The following SPEF2 variants were observed in gnomAD, a reference collection of about 807,000 sequenced individuals.
The protein encoded by SPEF2 is sperm flagella and cilia-associated protein 2.
A neutral mutation model predicts 224.6 loss-of-function variants in SPEF2; 187 were observed. The ratio of observed to expected loss-of-function variants is 0.83; its 90% CI spans 0.74 to 0.94. The LOEUF is 0.94. SPEF2 is among the 40% of genes least tolerant of loss of function. SPEF2 has a pLI of 0.00. For missense variants in SPEF2, 2,170 were observed against 2,135.6 expected, an observed-to-expected ratio of 1.02 and a Z score of -0.32; for synonymous variants, 715 against 707.3, an observed-to-expected ratio of 1.01 and a Z score of -0.17.
At chr5:35,761,223 C>G (rs889335557) in intron 25 of SPEF2, among the ~76,000 whole-genome samples, 2 of 152,122 alleles carry the variant, frequency 1.3e-5, no homozygotes, top group African/African-American at 4.8e-5. Flanking sequence ...TTCTGTTACT[C>G]AATCATTGTA....
Position 35,800,003 on chromosome 5 carries a change from TC to T in SPEF2, c.4868del (p.Pro1623HisfsTer74), listed in dbSNP as rs1248271931. 1 of 1,614,080 alleles carries T rather than the reference TC, an allele frequency of 6.2e-7. No homozygotes were observed. Among genetic ancestry groups the T allele is most frequent in the Admixed American group, 1.7e-5 (1 of 60,014 alleles). On this transcript the variant is annotated frameshift_variant, in exon 34 of 37. Transcript: ENST00000356031. LOFTEE classifies it high-confidence loss of function. The stretch of plus-strand genomic sequence containing the variant: ...GGCTATTTGCTGACTATGAGAAGGA[TC>T]CACCCCAGCTTGACTACACACAGAT... ...FRLFADYEKD[P>X]PQLDYTQMLL...
At chr5:35,623,165 A>G (rs1743762746) in intron 1 of SPEF2, among the ~76,000 whole-genome samples, 1 of 152,200 alleles carries the variant, frequency 6.6e-6, no homozygotes, top group Admixed American at 6.5e-5. Context: ...GGAGGGTTCC[A>G]GGAAGTGGTG....
At chr5:35,643,818 T>G (rs2035992) in intron 3 of SPEF2, among the ~76,000 whole-genome samples, 92,048 of 151,926 alleles carry the variant, frequency 0.61, 28,592 homozygotes, top group East Asian at 0.74. Flanking sequence ...TAAAATATAG[T>G]TACTTTCATT....
rs755903542 is a variant in SPEF2, at chr5:35,751,056, C to CATATGTATATATAT, written c.3331-2568_3331-2567insATATGTATATATAT. Among the ~76,000 whole-genome samples, 10 of 28,600 alleles carry CATATGTATATATAT rather than the reference C, an allele frequency of 3.5e-4. 2 individuals are homozygous for CATATGTATATATAT. Among genetic ancestry groups the CATATGTATATATAT allele is most frequent in the Non-Finnish European group, 8.2e-4 (10 of 12,234 alleles). 18.8% of individuals were successfully genotyped at this position (28,600 alleles called of 152,430 possible). A position where few individuals can be genotyped will look rare whatever the true frequency, so the allele number is the denominator to read the frequency against. ...ATATACACATATGTATATATATATA[C>CATATGTATATATAT]GTATATATATGTATATATATATACA... On this transcript the variant is annotated intron_variant, in intron 23 of 36. Coordinates refer to ENST00000356031, the MANE Select transcript of SPEF2 (RefSeq NM_024867.4).
intron 16 of SPEF2, among the ~76,000 whole-genome samples, chr5:35,701,727 A>G (rs190400883): frequency 6.6e-6 from 1 of 152,242 alleles, no homozygotes; most frequent in Non-Finnish European, 1.5e-5. Context: ...AGCTGAGACA[A>G]TTTCCACACT....
At chr5:35,738,814 G>A (rs975017094) in intron 21 of SPEF2, among the ~76,000 whole-genome samples, 4 of 151,934 alleles carry the variant, frequency 2.6e-5, no homozygotes, top group East Asian at 3.9e-4. Flanking sequence ...TTGGTCTACT[G>A]CTGCAGGCTT....
intron 19 of SPEF2, 74 bp from the exon 20 acceptor site, chr5:35,712,738 G>A (rs1741420672): frequency 4.9e-6 from 7 of 1,442,892 alleles, no homozygotes; most frequent in Admixed American, 1.8e-5. Flanking sequence ...AATAGCATTA[G>A]CTTGCTTACA....
At chr5:35,789,365 T>A (rs1237669691) in intron 30 of SPEF2, 1 of 703,302 alleles carries the variant, frequency 1.4e-6, no homozygotes, top group African/African-American at 1.7e-5. Context: ...GCTCCAAATG[T>A]ATCAAACAAG....
chr5:35,779,156 A>T lies in SPEF2; in HGVS notation c.4257A>T (p.Glu1419Asp). 6.2e-7 allele frequency: 1 copy of T among 1,613,800 alleles called. No homozygotes were observed. The highest frequency in any genetic ancestry group is 1.3e-5 in the African/African-American group (1 of 75,028). ...CTGACGTAGCTCGCTATCACATTGA[A>T]ACATCTACAAAAATTCAGAATGAAC... ...KLTDVARYHIETSTKIQNELY... is the reference protein window; with the variant it reads ...KLTDVARYHIDTSTKIQNELY... The change falls in exon 30 of 37, where the codon GAA becomes GAT. Residue 1419 changes from glutamate (E) to aspartate (D), a missense_variant. Glu to Asp is a conservative substitution (Grantham distance 45). Coordinates refer to ENST00000356031, the MANE Select transcript of SPEF2 (RefSeq NM_024867.4).
intron 10 of SPEF2, among the ~76,000 whole-genome samples, chr5:35,680,057 T>C (rs2149502581): frequency 6.6e-6 from 1 of 152,306 alleles, no homozygotes; most frequent in African/African-American, 2.4e-5. Flanking sequence ...AGATAAAACA[T>C]CAGAAAATTG....
intron 23 of SPEF2, among the ~76,000 whole-genome samples, chr5:35,745,450 C>T (rs978871192): frequency 6.6e-6 from 1 of 152,178 alleles, no homozygotes; most frequent in African/African-American, 2.4e-5. Flanking sequence ...TCACCCACTG[C>T]CTGGAAACAG....
At chr5:35,666,731 G>T (rs1466420609) in intron 8 of SPEF2, among the ~76,000 whole-genome samples, 3 of 152,152 alleles carry the variant, frequency 2.0e-5, no homozygotes, top group Non-Finnish European at 4.4e-5. Flanking sequence ...AAACTTGCCT[G>T]TTTCTCTCCG....
rs772509398 is a variant in SPEF2 at position 35,641,463 on chromosome 5, G to C, written c.194G>C (p.Arg65Pro). ...AGTGCCAAACTTAATAATTTTTCTC[G>C]CTTGGAGCCAACACTTAACCTTCTG... ...VSSAKLNNFS[R>P]LEPTLNLLGV... Residue 65 changes from arginine (R) to proline (P), a missense_variant, in exon 3 of 37, where the codon CGC (arginine) becomes CCC (proline). By Grantham distance (103) the Arg-to-Pro change is moderately radical (BLOSUM62 -2). Transcript: ENST00000356031. 3.7e-6 allele frequency: 6 copies of C among 1,613,194 alleles called. No homozygotes were observed. The highest frequency in any genetic ancestry group is 2.5e-6 in the Non-Finnish European group (3 of 1,179,638).
intron 3 of SPEF2, 110 bp from the exon 4 acceptor site, chr5:35,644,245 C>A: frequency 2.1e-6 from 2 of 941,840 alleles, no homozygotes; most frequent in Non-Finnish European, 3.0e-6. Context: ...TAACTATCAA[C>A]AATAGTAATT....
chr5:35,764,391 TATGA>T (rs1751786312), intron 26 of SPEF2, among the ~76,000 whole-genome samples: 1 of 151,900 alleles, frequency 6.6e-6, no homozygotes, highest in African/African-American at 2.4e-5. Context: ...CCTAGGTCTA[TATGA>T]CTTCAAAGCT....
chr5:35,617,938 A>G lies in SPEF2; in HGVS notation c.-60A>G, dbSNP rs1408919057. On this transcript the variant is annotated 5_prime_UTR_variant, in exon 1 of 37. Transcript: ENST00000356031. ...TGGCTACAGGAGGACGCGGGCTGGCAGGCTTGGTTCCTGGCGAGTTTCTAA... is the reference window on the plus strand; with the variant it reads ...TGGCTACAGGAGGACGCGGGCTGGCGGGCTTGGTTCCTGGCGAGTTTCTAA... 6.6e-7 allele frequency: 1 copy of G among 1,521,924 alleles called. No homozygotes were observed. Among genetic ancestry groups the G allele is most frequent in the African/African-American group, 1.4e-5 (1 of 72,520 alleles). The allele number at this position is 1,521,924 out of a possible 1,614,324, so 94.3% of individuals were successfully genotyped here.
intron 19 of SPEF2, chr5:35,709,744 T>G: frequency 1.0e-6 from 1 of 985,326 alleles, no homozygotes; most frequent in Non-Finnish European, 1.2e-6. Context: ...TAGCATTAAG[T>G]GGCAGACAAT....
At chr5:35,789,988 A>T (rs1345506983) in intron 30 of SPEF2, 3 of 700,416 alleles carry the variant, frequency 4.3e-6, no homozygotes, top group East Asian at 2.7e-5. Flanking sequence ...AAAACTTGGG[A>T]GTCTCAATCT....
chr5:35,760,824 G>A (rs930668472), intron 25 of SPEF2, among the ~76,000 whole-genome samples: 5 of 152,048 alleles, frequency 3.3e-5, no homozygotes, highest in South Asian at 2.1e-4. Context: ...AAAACATTAA[G>A]AGAGCTAAAA....
Sources: allele counts gnomAD v4.1 joint callset (sites outside exome capture counted in the v4.1 genomes callset), GRCh38; gene constraint gnomAD v4.1.1; transcripts MANE v1.5; gene names NCBI Gene and HGNC (gene_info 2026-07-23, HGNC 2026-07-21).